The following DPYD variants were observed in gnomAD, a reference collection of about 807,000 sequenced individuals.
DPYD encodes dihydropyrimidine dehydrogenase [NADP(+)].
In DPYD, 109 loss-of-function variants were observed where a neutral mutation model predicts 116.2. The ratio of observed to expected loss-of-function variants is 0.94; its 90% CI spans 0.80 to 1.10. The LOEUF (loss-of-function observed/expected upper bound fraction) is 1.10, where lower values mean the gene tolerates loss of function less well. Ranked by LOEUF, DPYD falls within the 50% of genes least tolerant of loss-of-function variation. DPYD has a pLI of 0.00. For synonymous variants in DPYD, 440 were observed against 432.0 expected (o/e 1.02, Z -0.23); for missense variants, 1,302 against 1,254.5 (o/e 1.04, Z -0.57).
At chr1:97,577,924 C>G (rs1653381474) in intron 10 of DPYD, among the ~76,000 whole-genome samples, 1 of 152,052 alleles carries the variant, frequency 6.6e-6, no homozygotes, top group South Asian at 2.1e-4. Context: ...CAGCTCACTG[C>G]AGTCTCCGCC....
At position 97,573,763 on chromosome 1, in the gene DPYD, T is replaced by C. The variant is rs1653071874; in HGVS notation, c.1336A>G (p.Lys446Glu). The change falls in exon 11 of 23, where the codon AAA becomes GAA. Residue 446 changes from lysine to glutamate, a missense_variant. Lys to Glu is a moderately conservative substitution (Grantham distance 56). Transcript: ENST00000370192. ...SAFGSVLSDP[K>E]VKEALSPIKF... ...ATTTCAGCTCCCAGCACTGTACCTT[T>C]AGGATCACTCAGAACTGAACCAAAG... is the stretch of plus-strand genomic sequence containing the variant. The C allele has an allele frequency of 3.1e-6, 5 of 1,613,308 alleles. No homozygotes were observed. The South Asian group carries it at 3.3e-5, about 11-fold the overall frequency.
chr1:97,277,363 G>C (rs1171025294), intron 18 of DPYD, among the ~76,000 whole-genome samples: 1 of 149,442 alleles, frequency 6.7e-6, no homozygotes, highest in African/African-American at 2.4e-5. Context: ...TCTAAAATGA[G>C]AGTTGAAATT....
At chr1:97,278,514 A>G (rs1232631453) in intron 18 of DPYD, among the ~76,000 whole-genome samples, 5 of 152,188 alleles carry the variant, frequency 3.3e-5, no homozygotes, top group African/African-American at 4.8e-5. Context: ...TCTTAACTCA[A>G]TGCCTAGATT....
intron 3 of DPYD, among the ~76,000 whole-genome samples, chr1:97,759,110 T>C (rs1005919356): frequency 6.6e-6 from 1 of 152,174 alleles, no homozygotes; most frequent in Non-Finnish European, 1.5e-5. Context: ...ACCTGCAGTG[T>C]ACTTCTGTGG....
At chr1:97,431,405 T>C (rs939698882) in intron 14 of DPYD, among the ~76,000 whole-genome samples, 12 of 152,246 alleles carry the variant, frequency 7.9e-5, no homozygotes, top group Admixed American at 2.6e-4. Context: ...CACTGGGAGA[T>C]GGTACCAAGC....
chr1:97,753,200 G>T (rs965427919), intron 3 of DPYD, among the ~76,000 whole-genome samples: 1 of 152,126 alleles, frequency 6.6e-6, no homozygotes, highest in African/African-American at 2.4e-5. Context: ...CAATGAGATA[G>T]ATACTGTTGT....
intron 8 of DPYD, among the ~76,000 whole-genome samples, chr1:97,636,148 A>C (rs1056700293): frequency 6.6e-6 from 1 of 152,132 alleles, no homozygotes; most frequent in African/African-American, 2.4e-5. Flanking sequence ...CTATTAAAAA[A>C]AAATCACTAA....
At chr1:97,209,538 A>C (rs1570675528) in intron 19 of DPYD, among the ~76,000 whole-genome samples, 1 of 152,152 alleles carries the variant, frequency 6.6e-6, no homozygotes. Context: ...ATACAAATTC[A>C]CCAGTGATTA....
intron 3 of DPYD, among the ~76,000 whole-genome samples, chr1:97,810,740 C>A (rs1373835280): frequency 6.6e-6 from 1 of 152,038 alleles, no homozygotes; most frequent in Non-Finnish European, 1.5e-5. Flanking sequence ...TTATTTCAGC[C>A]AGAGTGATAT....
intron 20 of DPYD, among the ~76,000 whole-genome samples, chr1:97,104,844 G>A (rs1355573557): frequency 1.3e-5 from 2 of 152,066 alleles, no homozygotes; most frequent in African/African-American, 4.8e-5. Context: ...TGATGAAGTC[G>A]GATCATGAAT....
At chr1:97,153,347 T>C (rs1046445152) in intron 20 of DPYD, among the ~76,000 whole-genome samples, 1 of 152,114 alleles carries the variant, frequency 6.6e-6, no homozygotes, top group African/African-American at 2.4e-5. Flanking sequence ...CGTGCAACTT[T>C]AGGTCTGGCT....
chr1:97,372,623 A>C (rs1489017715), intron 16 of DPYD, among the ~76,000 whole-genome samples: 1 of 152,198 alleles, frequency 6.6e-6, no homozygotes, highest in African/African-American at 2.4e-5. Flanking sequence ...AAGTACTTTA[A>C]AATTCTTCCT....
intron 2 of DPYD, among the ~76,000 whole-genome samples, chr1:97,842,485 T>C (rs1263520362): frequency 2.0e-5 from 3 of 152,034 alleles, no homozygotes; most frequent in Non-Finnish European, 2.9e-5. Flanking sequence ...TCAGAAGACA[T>C]TTTAATACAA....
intron 14 of DPYD, among the ~76,000 whole-genome samples, chr1:97,440,023 C>A (rs1026017331): frequency 4.0e-5 from 6 of 151,762 alleles, no homozygotes; most frequent in Non-Finnish European, 7.4e-5. Context: ...CGCCTGTAAT[C>A]CCAGCACTTT....
intron 21 of DPYD, among the ~76,000 whole-genome samples, chr1:97,097,460 T>C (rs138629133): frequency 1.3e-5 from 2 of 152,200 alleles, no homozygotes; most frequent in East Asian, 1.9e-4. Context: ...AAAATGGAGA[T>C]GTAGGAGTAG....
chr1:97,401,895 C>A (rs1001949561), intron 14 of DPYD, among the ~76,000 whole-genome samples: 1 of 152,152 alleles, frequency 6.6e-6, no homozygotes, highest in African/African-American at 2.4e-5. Context: ...GTATTCTCCA[C>A]TGAAGTGTCT....
At chr1:97,446,509 G>GT (rs1676095098) in intron 14 of DPYD, among the ~76,000 whole-genome samples, 2 of 152,204 alleles carry the variant, frequency 1.3e-5, no homozygotes, top group South Asian at 4.1e-4. Context: ...CCGAGGAAGT[G>GT]TTTTTTACAG....
intron 19 of DPYD, among the ~76,000 whole-genome samples, chr1:97,220,748 C>G (rs1660722110): frequency 6.6e-6 from 1 of 152,140 alleles, no homozygotes; most frequent in Non-Finnish European, 1.5e-5. Context: ...TCCACAAAAT[C>G]TTCTCTTTGC....
chr1:97,499,000 T>C (rs1464150393), intron 13 of DPYD, among the ~76,000 whole-genome samples: 1 of 151,706 alleles, frequency 6.6e-6, no homozygotes, highest in African/African-American at 2.4e-5. Flanking sequence ...ATTTCTTTTA[T>C]GTAAACCTTT....
Sources: allele counts gnomAD v4.1 joint callset (sites outside exome capture counted in the v4.1 genomes callset), GRCh38; gene constraint gnomAD v4.1.1; transcripts MANE v1.5; gene names NCBI Gene and HGNC (gene_info 2026-07-23, HGNC 2026-07-21).